The following POLR2D variants were observed in gnomAD, a reference collection of about 807,000 sequenced individuals.
The protein encoded by POLR2D is RNA polymerase II subunit D.
In POLR2D, 10 loss-of-function variants were observed where a neutral mutation model predicts 17.6. The ratio of observed to expected loss-of-function variants is 0.57; its 90% CI spans 0.35 to 0.96. The LOEUF (loss-of-function observed/expected upper bound fraction) is 0.96. Ranked by LOEUF, POLR2D falls within the 40% of genes least tolerant of loss-of-function variation. The probability of loss-of-function intolerance (pLI) is 0.02; values close to 1 mark genes in which losing one functional copy is unlikely to be tolerated. For synonymous variants in POLR2D, 52 were observed against 60.2 expected, an observed-to-expected ratio of 0.86 and a Z score of 0.63; for missense variants, 126 against 176.4, an observed-to-expected ratio of 0.71 and a Z score of 1.62.
chr2:127,844,738 C>G lies in POLR2D; in HGVS notation c.*3369G>C, dbSNP rs1690123365. 6.6e-6 allele frequency: 1 copy of G among 152,162 alleles called. No individual in the cohort carries two copies. Among genetic ancestry groups the G allele is most frequent in the Admixed American group, 6.6e-5 (1 of 15,262 alleles). The allele number at this position is 152,162 out of a possible 1,614,324, so 9.4% of individuals were successfully genotyped here. On this transcript the variant is annotated 3_prime_UTR_variant, in exon 4 of 4. Transcript: ENST00000272645. ...GCATGATCTTGGCTCACTGCAACCT[C>G]CACCTCCCGGGTTCAAGCAATTCTC...
intron 1 of POLR2D, among the ~76,000 whole-genome samples, chr2:127,856,287 T>C (rs1336670146): frequency 7.4e-4 from 1 of 1,356 alleles, no homozygotes; most frequent in East Asian, 0.038. Context: ...TGAGATCCCG[T>C]CTCAAAAAAA....
chr2:127,854,108 T>C (rs995211873), intron 1 of POLR2D, among the ~76,000 whole-genome samples: 8 of 152,250 alleles, frequency 5.3e-5, no homozygotes, highest in African/African-American at 1.9e-4. Flanking sequence ...ATAAATATAA[T>C]GTACCCCAAA....
Position 127,852,778 on chromosome 2 carries a change from C to T in POLR2D, c.254+147G>A. 1 of 654,894 alleles carries T rather than the reference C, an allele frequency of 1.5e-6. No homozygotes were observed. Among genetic ancestry groups the T allele is most frequent in the South Asian group, 1.9e-5 (1 of 53,162 alleles). The allele number at this position is 654,894 out of a possible 1,614,324, so 40.6% of individuals were successfully genotyped here. A position where few individuals can be genotyped will look rare whatever the true frequency, so the allele number is the denominator to read the frequency against. ...CAAGTGATCTGCTGCCTCAACCTTC[C>T]AAAGTGCTGGGTGTGAGCCACCATG... On this transcript the variant is annotated intron_variant, in intron 2 of 3. Transcript: ENST00000272645. This position sits in a 1 kb window ranked among gnomAD's most constrained non-coding sequence, Gnocchi z 4.0.
chr2:127,854,595 T>C (rs1374027244), intron 1 of POLR2D, among the ~76,000 whole-genome samples: 1 of 152,214 alleles, frequency 6.6e-6, no homozygotes, highest in African/African-American at 2.4e-5. Context: ...ACAACACAGA[T>C]AGTTTTAAGT....
At chr2:127,851,948 G>A (rs750936039) in intron 2 of POLR2D, among the ~76,000 whole-genome samples, 10 of 152,006 alleles carry the variant, frequency 6.6e-5, no homozygotes, top group Non-Finnish European at 1.0e-4. Context: ...GCGCTACCAC[G>A]CCCAGCTAAT....
intron 3 of POLR2D, among the ~76,000 whole-genome samples, chr2:127,850,292 T>A (rs936581255): frequency 6.6e-6 from 1 of 151,602 alleles, no homozygotes; most frequent in Non-Finnish European, 1.5e-5. Context: ...AACACAAAAT[T>A]AGCCAAGTGT....
rs181698848 is a variant in POLR2D, at chr2:127,844,419, T to A, written c.*3688A>T. ...CTGGTGAAGTGAGGGTTTGACAACC[T>A]ATCTTTTTGTTGTATCAGTATGTTC... On this transcript the variant is annotated 3_prime_UTR_variant, in exon 4 of 4. Transcript: ENST00000272645. 5.9e-5 allele frequency: 9 copies of A among 152,354 alleles called. No homozygotes were observed. The highest frequency in any genetic ancestry group is 1.2e-4 in the Non-Finnish European group (8 of 68,038). The allele number at this position is 152,354 out of a possible 1,614,324, so 9.4% of individuals were successfully genotyped here.
intron 1 of POLR2D, among the ~76,000 whole-genome samples, chr2:127,855,857 G>C (rs1283425082): frequency 6.6e-6 from 1 of 152,154 alleles, no homozygotes; most frequent in Admixed American, 6.5e-5. Context: ...TAGATCAGGG[G>C]ATCTGCCTGT....
intron 3 of POLR2D, among the ~76,000 whole-genome samples, chr2:127,848,451 C>G (rs1690189666): frequency 1.3e-5 from 2 of 151,406 alleles, no homozygotes; most frequent in African/African-American, 4.9e-5. Context: ...GCTCTTGCCT[C>G]TTAGGCTAGA....
Position 127,847,865 on chromosome 2 carries a change from G to T in POLR2D, c.*242C>A. ...TATGTGACCCCTCATCTCACACTTC[G>T]CAGAGGCACGTTCAGGAAGCCACTG... On this transcript the variant is annotated 3_prime_UTR_variant, in exon 4 of 4. Coordinates refer to ENST00000272645, the MANE Select transcript of POLR2D (RefSeq NM_004805.4). The T allele has an allele frequency of 1.9e-6, 1 of 521,520 alleles. No homozygotes were observed. Among genetic ancestry groups the T allele is most frequent in the South Asian group, 2.1e-5 (1 of 47,796 alleles). 32.3% of individuals were successfully genotyped at this position (521,520 alleles called of 1,614,324 possible).
rs1690374384 is a variant in POLR2D, at chr2:127,858,128, A to G, written c.-28T>C. ...CCGCGCCGCGCCGCGCGCCACCACC[A>G]GCGCCGCCGGAAGCAGAAGCGCGGA... On this transcript the variant is annotated 5_prime_UTR_variant, in exon 1 of 4. Coordinates refer to ENST00000272645, the MANE Select transcript of POLR2D (RefSeq NM_004805.4). The G allele has an allele frequency of 1.4e-6, 2 of 1,427,332 alleles. No individual in the cohort carries two copies. The highest frequency in any genetic ancestry group is 1.5e-5 in the South Asian group (1 of 68,314). 88.4% of individuals were successfully genotyped at this position (1,427,332 alleles called of 1,614,324 possible). A position where few individuals can be genotyped will look rare whatever the true frequency, so the allele number is the denominator to read the frequency against.
Position 127,848,220 on chromosome 2 carries a change from G to T in POLR2D, c.351-35C>A, listed in dbSNP as rs751805960. The T allele has an allele frequency of 1.2e-5, 17 of 1,425,444 alleles. No individual in the cohort carries two copies. In the East Asian group the frequency reaches 1.4e-4, roughly 11 times the overall value. The allele number at this position is 1,425,444 out of a possible 1,614,324, so 88.3% of individuals were successfully genotyped here. ...AATGAAAAGAAATGAGTGATTTGGC[G>T]ACTGGCAATTTCCCCGCACTCTTCT... On this transcript the variant is annotated intron_variant, in intron 3 of 3. Coordinates refer to ENST00000272645, the MANE Select transcript of POLR2D (RefSeq NM_004805.4).
rs755224601 is a variant in POLR2D at position 127,847,633 on chromosome 2, TAA to T, written c.*472_*473del. Reference sequence around the variant, plus strand: ...CAAGAGTTAAGACCCTATCTCCATTTAAAAAAAAAAAAAAAAAGCATTTCAAA... The same window carrying T: ...CAAGAGTTAAGACCCTATCTCCATTTAAAAAAAAAAAAAAAGCATTTCAAA... On this transcript the variant is annotated 3_prime_UTR_variant, in exon 4 of 4. Transcript: ENST00000272645. 0.011 allele frequency: 1,557 copies of T among 145,344 alleles called. No individual in the cohort carries two copies. Among genetic ancestry groups the T allele is most frequent in the South Asian group, 0.037 (229 of 6,148 alleles). The allele number at this position is 145,344 out of a possible 1,614,324, so 9.0% of individuals were successfully genotyped here.
At position 127,852,111 on chromosome 2, in the gene POLR2D, A is replaced by G. The variant is rs990183726; in HGVS notation, c.254+814T>C. ...GCCAATCCCAGCACTTTGGGGGGCT[A>G]AGGTTGGAGGATCAATTGAGGCCAG... On this transcript the variant is annotated intron_variant, in intron 2 of 3. Coordinates refer to ENST00000272645, the MANE Select transcript of POLR2D (RefSeq NM_004805.4). The surrounding 1 kb of genome is among the most constrained non-coding windows in gnomAD (Gnocchi z 4.0). Among the ~76,000 whole-genome samples the G allele has an allele frequency of 2.0e-5, 3 of 152,174 alleles. No homozygotes were observed. The highest frequency in any genetic ancestry group is 4.4e-5 in the Non-Finnish European group (3 of 68,024).
Position 127,858,047 on chromosome 2 carries a change from T to C in POLR2D, c.54A>G (p.Ser18=), listed in dbSNP as rs1690369869. The change falls in exon 1 of 4, where the codon TCA becomes TCG. Residue 18 remains serine (S), a synonymous_variant. Transcript: ENST00000272645. Reference sequence around the variant, plus strand: ...CCCAACCTTTAGGAAAGATGAGCTGTGAGGCGTCCTCCTCTACGTCGCCAG... The same window carrying C: ...CCCAACCTTTAGGAAAGATGAGCTGCGAGGCGTCCTCCTCTACGTCGCCAG... ...PRAGDVEEDA[S]QLIFPKEFET... 13 of 1,574,086 alleles carry C rather than the reference T, an allele frequency of 8.3e-6. No homozygotes were observed. Among genetic ancestry groups the C allele is most frequent in the Non-Finnish European group, 1.0e-5 (12 of 1,163,448 alleles).
At chr2:127,848,915 C>T in intron 3 of POLR2D, among the ~76,000 whole-genome samples, 1 of 152,266 alleles carries the variant, frequency 6.6e-6, no homozygotes, top group African/African-American at 2.4e-5. Context: ...CTGTCTCAAC[C>T]TCCCAAAGTG....
chr2:127,850,609 A>T lies in POLR2D; in HGVS notation c.331T>A (p.Ser111Thr). Residue 111 changes from serine (S) to threonine (T), a missense_variant, in exon 3 of 4, where the codon TCC becomes ACC. By Grantham distance (58) the Ser-to-Thr change is moderately conservative. Around this residue, in one of 2 missense-constraint regions of POLR2D, gnomAD observed 85 missense variants for 151.4 expected, o/e 0.56. Coordinates refer to ENST00000272645, the MANE Select transcript of POLR2D (RefSeq NM_004805.4). ...ACTAACCTTGGGATTAGAGCCTTGG[A>T]CTCCTCAGCAGTCTCTGGGCAAAGG... The part of the protein sequence containing the change: ...ANLCPETAEE[S>T]KALIPSLEGR... The T allele has an allele frequency of 6.4e-7, 1 of 1,554,378 alleles. No homozygotes were observed. Among genetic ancestry groups the T allele is most frequent in the Non-Finnish European group, 8.8e-7 (1 of 1,136,188 alleles).
chr2:127,856,735 T>A (rs985386711), intron 1 of POLR2D, among the ~76,000 whole-genome samples: 1 of 152,132 alleles, frequency 6.6e-6, no homozygotes, highest in Admixed American at 6.5e-5. Context: ...TATTTCCGTT[T>A]TAATTTTAAA....
intron 1 of POLR2D, 72 bp from the exon 2 acceptor site, chr2:127,853,177 AT>A: frequency 1.7e-6 from 2 of 1,179,486 alleles, no homozygotes; most frequent in South Asian, 2.7e-5. Flanking sequence ...TTCACTGTGC[AT>A]TTGAACATTT....
Sources: allele counts gnomAD v4.1 joint callset (sites outside exome capture counted in the v4.1 genomes callset), GRCh38; gene constraint gnomAD v4.1.1; regional missense constraint gnomAD v4.1.1; non-coding constraint Gnocchi (gnomAD v3.1); transcripts MANE v1.5; gene names NCBI Gene and HGNC (gene_info 2026-07-23, HGNC 2026-07-21).